CRYZL1: variants seen among roughly 807,000 people sequenced by gnomAD.
CRYZL1 encodes crystallin zeta like 1, also known as ferry endosomal RAB5 effector complex subunit 4.
Under a neutral mutation model 50.6 loss-of-function variants are expected in CRYZL1, and 34 were observed. The ratio of observed to expected loss-of-function variants is 0.67; its 90% confidence interval spans 0.51 to 0.89. The LOEUF (loss-of-function observed/expected upper bound fraction) is 0.89, where lower values mean the gene tolerates loss of function less well. Ranked by LOEUF, CRYZL1 falls within the 40% of genes least tolerant of loss-of-function variation. The pLI, the probability that CRYZL1 is intolerant of heterozygous loss-of-function variation, is 0.00. For synonymous variants in CRYZL1, 125 were observed against 134.3 expected, an observed-to-expected ratio of 0.93 and a Z score of 0.48; for missense variants, 354 against 402.3, an observed-to-expected ratio of 0.88 and a Z score of 1.03.
chr21:33,635,079 T>G (rs1312765403), intron 1 of CRYZL1, among the ~76,000 whole-genome samples: 1 of 151,732 alleles, frequency 6.6e-6, no homozygotes, highest in African/African-American at 2.4e-5. Context: ...TTTACAAAAG[T>G]AGCCAGAAGA....
In CRYZL1 at chr21:33,603,447, T is replaced by C; in HGVS notation, c.422A>G (p.His141Arg). The C allele has an allele frequency of 6.2e-7, 1 of 1,613,548 alleles. No homozygotes were observed. The highest frequency in any genetic ancestry group is 1.3e-5 in the African/African-American group (1 of 75,028). ...RAYTALHYLSHLSPGKSVLIM... is the reference protein window; with the variant it reads ...RAYTALHYLSRLSPGKSVLIM... The stretch of plus-strand genomic sequence containing the variant: ...CAGCACTGATTTTCCAGGAGAGAGA[T>C]GAGAAAGATAATGCAGAGCTGTATA... The change falls in exon 7 of 13, where the codon CAT becomes CGT. Residue 141 changes from histidine (H) to arginine (R), a missense_variant. Physicochemically the swap from His to Arg is conservative, Grantham distance 29. Coordinates refer to ENST00000381554, the MANE Select transcript of CRYZL1 (RefSeq NM_145858.3).
chr21:33,595,597 C>T, intron 11 of CRYZL1, 134 bp downstream of exon 11: 1 of 1,427,160 alleles, frequency 7.0e-7, no homozygotes, highest in Non-Finnish European at 9.7e-7. Context: ...TGAATACTTG[C>T]AAGGCACTTG....
chr21:33,593,500 T>C lies in CRYZL1; in HGVS notation c.904+2231A>G, dbSNP rs534160821. On this transcript the variant is annotated intron_variant, in intron 11 of 12. Coordinates refer to ENST00000381554, the MANE Select transcript of CRYZL1 (RefSeq NM_145858.3). ...TACTGCTGTTAATAAAATTCTTACC[T>C]GTGTGCAAAGCATGTATTTCTGATT... is the stretch of plus-strand genomic sequence containing the variant. 3.3e-5 allele frequency among the ~76,000 whole-genome samples: 5 copies of C among 152,368 alleles called. No homozygotes were observed. The South Asian group carries it at 1.0e-3, about 32-fold the overall frequency.
In CRYZL1 at chr21:33,597,408, A is replaced by T. The variant is rs773815584; in HGVS notation, c.677-7T>A. On this transcript the variant is annotated splice_polypyrimidine_tract_variant and splice_region_variant and intron_variant, in intron 9 of 12. Coordinates refer to ENST00000381554, the MANE Select transcript of CRYZL1 (RefSeq NM_145858.3). ...TCTTTACTATATAATCTCACTTGCA[A>T]GGGAATAGTTTTAAAAAAAGAGAGA... is the stretch of plus-strand genomic sequence containing the variant. 7.7e-6 allele frequency: 12 copies of T among 1,559,130 alleles called. No individual in the cohort carries two copies. The highest frequency in any genetic ancestry group is 1.4e-5 in the African/African-American group (1 of 73,616).
At chr21:33,595,287 TCTTTA>T in intron 11 of CRYZL1, 1 of 1,016,724 alleles carries the variant, frequency 9.8e-7, no homozygotes, top group Non-Finnish European at 1.3e-6. Flanking sequence ...CTCCACAAAC[TCTTTA>T]ATTTAGAAAA....
chr21:33,600,380 C>T (rs1302916772), intron 8 of CRYZL1, among the ~76,000 whole-genome samples: 2 of 152,216 alleles, frequency 1.3e-5, no homozygotes, highest in East Asian at 3.9e-4. Context: ...AAATAATTCT[C>T]AGAATTTTGA....
At chr21:33,626,047 G>C (rs1489244237) in intron 2 of CRYZL1, among the ~76,000 whole-genome samples, 1 of 151,052 alleles carries the variant, frequency 6.6e-6, no homozygotes, top group Non-Finnish European at 1.5e-5. Context: ...TCTGCCTCCC[G>C]AGTTCAAGTG....
chr21:33,619,449 T>C (rs943924858), intron 4 of CRYZL1, among the ~76,000 whole-genome samples: 1 of 152,278 alleles, frequency 6.6e-6, no homozygotes, highest in African/African-American at 2.4e-5. Flanking sequence ...GGTCTGGCCC[T>C]TGCCTATCCT....
intron 7 of CRYZL1, 85 bp from the exon 8 acceptor site, chr21:33,602,430 T>C: frequency 1.9e-6 from 1 of 519,972 alleles, no homozygotes; most frequent in Non-Finnish European, 3.4e-6. Context: ...TTTAATAAAG[T>C]ATAATTCTTT....
chr21:33,634,876 C>A (rs1245555595), intron 1 of CRYZL1, among the ~76,000 whole-genome samples: 4 of 80,842 alleles, frequency 4.9e-5, no homozygotes, highest in African/African-American at 2.6e-4. Context: ...CAAACAACAA[C>A]AACAATATAT....
intron 12 of CRYZL1, 149 bp downstream of exon 12, chr21:33,591,013 A>C: frequency 1.5e-6 from 1 of 666,244 alleles, no homozygotes; most frequent in Non-Finnish European, 2.7e-6. Flanking sequence ...TCAATGGCAA[A>C]AACCACAATT....
chr21:33,614,408 G>A (rs1417920589), intron 5 of CRYZL1, among the ~76,000 whole-genome samples: 1 of 152,136 alleles, frequency 6.6e-6, no homozygotes, highest in African/African-American at 2.4e-5. Flanking sequence ...AGGACTGCTT[G>A]AGTCCAGGAG....
intron 5 of CRYZL1, 87 bp from the exon 6 acceptor site, chr21:33,613,693 T>A: frequency 1.0e-6 from 1 of 975,964 alleles, no homozygotes; most frequent in Non-Finnish European, 1.6e-6. Flanking sequence ...TTTTGTTCAG[T>A]GAAATTTTGA....
intron 11 of CRYZL1, 153 bp from the exon 12 acceptor site, chr21:33,591,360 T>A (rs1201064741): frequency 1.5e-6 from 1 of 657,248 alleles, no homozygotes; most frequent in Non-Finnish European, 2.7e-6. Context: ...CTGTAGGACG[T>A]CAAGTTTAGC....
At chr21:33,611,837 A>G (rs924767569) in intron 6 of CRYZL1, among the ~76,000 whole-genome samples, 2 of 152,204 alleles carry the variant, frequency 1.3e-5, no homozygotes, top group Middle Eastern at 3.2e-3. Flanking sequence ...CTATATCCTT[A>G]AATAACATAT....
At chr21:33,641,060 G>T in intron 1 of CRYZL1, 1 of 1,458,200 alleles carries the variant, frequency 6.9e-7, no homozygotes, top group Non-Finnish European at 9.0e-7. Context: ...CATTATATTT[G>T]TACTGGACAG....
At chr21:33,617,624 G>T (rs1483565556) in intron 4 of CRYZL1, among the ~76,000 whole-genome samples, 1 of 152,072 alleles carries the variant, frequency 6.6e-6, no homozygotes, top group Admixed American at 6.6e-5. Context: ...AACTCTAAGG[G>T]GGTCCGTGTG....
intron 1 of CRYZL1, chr21:33,641,284 G>A (rs2087321324): frequency 6.5e-7 from 1 of 1,549,998 alleles, no homozygotes; most frequent in South Asian, 1.2e-5. Context: ...AAACAGCAAA[G>A]TGATGAGGAA....
At chr21:33,635,526 T>C (rs1001857900) in intron 1 of CRYZL1, among the ~76,000 whole-genome samples, 7 of 151,588 alleles carry the variant, frequency 4.6e-5, no homozygotes, top group Admixed American at 2.6e-4. Context: ...AAATTTTTTT[T>C]GTATTTTTTA....
Sources: allele counts gnomAD v4.1 joint callset (sites outside exome capture counted in the v4.1 genomes callset), GRCh38; gene constraint gnomAD v4.1.1; transcripts MANE v1.5; gene names NCBI Gene and HGNC (gene_info 2026-07-23, HGNC 2026-07-21).